NRXN3: variants seen among roughly 807,000 people sequenced by gnomAD.
NRXN3 encodes the protein neurexin 3, also known as neurexin III.
A neutral mutation model predicts 137.6 loss-of-function variants in NRXN3; 32 were observed. The observed-to-expected ratio is 0.23, with a 90% CI of 0.18 to 0.31. The LOEUF is 0.31. Ranked by LOEUF, NRXN3 falls within the 10% of genes least tolerant of loss-of-function variation. The probability of loss-of-function intolerance (pLI) is 1.00; values close to 1 mark genes in which losing one functional copy is unlikely to be tolerated. For missense variants in NRXN3, 1,574 were observed against 2,062.5 expected, an observed-to-expected ratio of 0.76 and a Z score of 4.59; for synonymous variants, 798 against 784.5, an observed-to-expected ratio of 1.02 and a Z score of -0.29.
intron 19 of NRXN3, among the ~76,000 whole-genome samples, chr14:79,775,145 T>A (rs1374590864): frequency 1.3e-5 from 2 of 152,182 alleles, no homozygotes; most frequent in African/African-American, 2.4e-5. Context: ...ACCGTAATTC[T>A]ATGATCTATT....
At chr14:78,404,238 G>A (rs1324114933) in intron 4 of NRXN3, among the ~76,000 whole-genome samples, 1 of 151,440 alleles carries the variant, frequency 6.6e-6, no homozygotes, top group Admixed American at 6.6e-5. Flanking sequence ...GTCGCTGCAT[G>A]GGAGCAGGCA....
At chr14:78,814,050 C>T (rs1247272304) in intron 10 of NRXN3, among the ~76,000 whole-genome samples, 1 of 152,172 alleles carries the variant, frequency 6.6e-6, no homozygotes, top group African/African-American at 2.4e-5. Flanking sequence ...ACAAATCCTA[C>T]TACTCCTGCT....
At chr14:78,666,865 C>T (rs1444826415) in intron 6 of NRXN3, among the ~76,000 whole-genome samples, 1 of 152,124 alleles carries the variant, frequency 6.6e-6, no homozygotes, top group Non-Finnish European at 1.5e-5. Flanking sequence ...CTTCTTCAGC[C>T]TCCCACTCAA....
At chr14:78,818,977 T>C (rs2098942736) in intron 10 of NRXN3, among the ~76,000 whole-genome samples, 1 of 152,146 alleles carries the variant, frequency 6.6e-6, no homozygotes, top group Admixed American at 6.5e-5. Flanking sequence ...TGATGTCTTT[T>C]TTCACAATGT....
intron 20 of NRXN3, among the ~76,000 whole-genome samples, chr14:79,851,939 T>G (rs892141880): frequency 4.6e-5 from 7 of 152,092 alleles, no homozygotes; most frequent in Middle Eastern, 6.8e-3. Context: ...ACACTGATAT[T>G]GTACTCTTTG....
At chr14:78,779,363 A>T (rs2098760245) in intron 8 of NRXN3, among the ~76,000 whole-genome samples, 2 of 152,242 alleles carry the variant, frequency 1.3e-5, no homozygotes, top group South Asian at 4.1e-4. Flanking sequence ...GGAGTAGGAC[A>T]TTTTTACCTC....
intron 10 of NRXN3, among the ~76,000 whole-genome samples, chr14:78,909,065 A>T (rs1252298219): frequency 6.6e-6 from 1 of 152,142 alleles, no homozygotes; most frequent in Non-Finnish European, 1.5e-5. Flanking sequence ...CTTACTGAAA[A>T]ATTTAAGTTG....
intron 4 of NRXN3, among the ~76,000 whole-genome samples, chr14:78,417,455 GTCTC>G (rs2093204176): frequency 6.6e-6 from 1 of 152,110 alleles, no homozygotes; most frequent in Admixed American, 6.6e-5. Context: ...AATTTCCTGA[GTCTC>G]TCCCCTCATC....
chr14:79,491,654 A>AGTGT lies in NRXN3; in HGVS notation c.3444+24266_3444+24269dup, dbSNP rs113305088. On this transcript the variant is annotated intron_variant, in intron 16 of 20. Transcript: ENST00000335750. ...GCTACTTTTCACCCTAAAATAAAAA[A>AGTGT]GTGTGTGTGTGTGTGTGAGAGAAAG... is the stretch of plus-strand genomic sequence containing the variant. Among the ~76,000 whole-genome samples the AGTGT allele has an allele frequency of 1.1e-3, 163 of 151,250 alleles. 2 individuals carry two copies. Among genetic ancestry groups the AGTGT allele is most frequent in the South Asian group, 0.011 (51 of 4,764 alleles).
At chr14:78,624,749 G>A (rs2097438731) in intron 4 of NRXN3, among the ~76,000 whole-genome samples, 1 of 152,184 alleles carries the variant, frequency 6.6e-6, no homozygotes, top group Non-Finnish European at 1.5e-5. Flanking sequence ...CCCTGGCTCT[G>A]CATCTGGCTA....
intron 16 of NRXN3, among the ~76,000 whole-genome samples, chr14:79,489,569 G>T (rs535282890): frequency 7.2e-5 from 11 of 152,242 alleles, no homozygotes; most frequent in Non-Finnish European, 1.6e-4. Context: ...TAAGCATGAA[G>T]GACCTCCTTT....
intron 16 of NRXN3, among the ~76,000 whole-genome samples, chr14:79,610,976 G>C (rs2098091147): frequency 6.6e-6 from 1 of 152,194 alleles, no homozygotes; most frequent in Admixed American, 6.5e-5. Flanking sequence ...GCCCCTTCTA[G>C]AGTATGGGGT....
chr14:78,252,741 G>C (rs549867759), intron 2 of NRXN3, among the ~76,000 whole-genome samples: 36 of 152,348 alleles, frequency 2.4e-4, no homozygotes, highest in Non-Finnish European at 4.7e-4. Context: ...CTCCAGGTAT[G>C]ATTGGAAATG....
intron 1 of NRXN3, among the ~76,000 whole-genome samples, chr14:78,225,036 G>A (rs575575883): frequency 3.7e-4 from 56 of 152,246 alleles, no homozygotes; most frequent in African/African-American, 1.1e-3. Context: ...AAAGTGCTGG[G>A]ATTACAGGCG....
intron 2 of NRXN3, among the ~76,000 whole-genome samples, chr14:78,274,111 G>A (rs892971247): frequency 6.6e-6 from 1 of 152,182 alleles, no homozygotes; most frequent in African/African-American, 2.4e-5. Flanking sequence ...AGAGTGAGGT[G>A]GGAGGACTAC....
At chr14:78,359,422 C>T (rs2084796003) in intron 4 of NRXN3, among the ~76,000 whole-genome samples, 1 of 152,114 alleles carries the variant, frequency 6.6e-6, no homozygotes, top group Non-Finnish European at 1.5e-5. Context: ...AGAAGGGCCC[C>T]ATACTTGGCT....
chr14:79,715,442 T>A (rs2098820515), intron 19 of NRXN3, among the ~76,000 whole-genome samples: 1 of 152,192 alleles, frequency 6.6e-6, no homozygotes, highest in South Asian at 2.1e-4. Flanking sequence ...ATTTTGGGTT[T>A]AGCTTTCAAG....
At position 78,224,750 on chromosome 14, in the gene NRXN3, C is replaced by CTTTTTTTTTT. The variant is rs35800837; in HGVS notation, c.-703-17623_-703-17614dup. 6.5e-4 allele frequency among the ~76,000 whole-genome samples: 42 copies of CTTTTTTTTTT among 64,846 alleles called. 12 individuals are homozygous for CTTTTTTTTTT. Among genetic ancestry groups the CTTTTTTTTTT allele is most frequent in the East Asian group, 1.9e-3 (3 of 1,542 alleles). 42.5% of individuals were successfully genotyped at this position (64,846 alleles called of 152,430 possible). A position where few individuals can be genotyped will look rare whatever the true frequency, so the allele number is the denominator to read the frequency against. On this transcript the variant is annotated intron_variant, in intron 1 of 20. Transcript: ENST00000335750. The stretch of plus-strand genomic sequence containing the variant: ...ACAATAAACATACGTGTGCATGTGT[C>CTTTTTTTTTT]TTTTTTTTTTTTTTTTTTTTTTTTT...
chr14:78,448,845 C>T (rs965287100), intron 4 of NRXN3, among the ~76,000 whole-genome samples: 1 of 152,108 alleles, frequency 6.6e-6, no homozygotes, highest in Non-Finnish European at 1.5e-5. Context: ...GAAACTGACC[C>T]CAGTCTTCAG....
Sources: gnomAD v4.1 joint callset for allele counts (sites outside exome capture counted in the v4.1 genomes callset) on GRCh38, gnomAD v4.1.1 for gene constraint, MANE v1.5 for transcripts, NCBI Gene and HGNC (gene_info 2026-07-23, HGNC 2026-07-21) for gene names.